Variants in SLC24A3 observed in about 807,000 individuals in gnomAD.
The protein encoded by SLC24A3 is solute carrier family 24 member 3.
Under a neutral mutation model 75.8 loss-of-function variants are expected in SLC24A3, and 28 were observed. The ratio of observed to expected loss-of-function variants is 0.37; its 90% CI spans 0.27 to 0.51. SLC24A3 has a LOEUF of 0.51. Among genes scored for constraint, SLC24A3 ranks in the 20% least tolerant of loss-of-function variants. The pLI, the probability that SLC24A3 is intolerant of heterozygous loss-of-function variation, is 0.94. For missense variants in SLC24A3, 663 were observed against 847.8 expected, an observed-to-expected ratio of 0.78 and a Z score of 2.71; for synonymous variants, 372 against 334.1, an observed-to-expected ratio of 1.11 and a Z score of -1.24.
At chr20:19,219,977 T>A (rs1001966997) in intron 1 of SLC24A3, among the ~76,000 whole-genome samples, 2 of 152,174 alleles carry the variant, frequency 1.3e-5, no homozygotes, top group Non-Finnish European at 2.9e-5. Flanking sequence ...TTAATGCAAT[T>A]GACATGTAGA....
chr20:19,498,352 C>T (rs1049135930), intron 2 of SLC24A3, among the ~76,000 whole-genome samples: 1 of 152,202 alleles, frequency 6.6e-6, no homozygotes, highest in Admixed American at 6.5e-5. Context: ...TTGTCTTCCA[C>T]AAAACTGGTC....
intron 2 of SLC24A3, among the ~76,000 whole-genome samples, chr20:19,335,889 T>C (rs1985119884): frequency 6.6e-6 from 1 of 152,142 alleles, no homozygotes; most frequent in South Asian, 2.1e-4. Flanking sequence ...ATGCCATCTT[T>C]CTCCCTTATT....
At chr20:19,487,480 C>G (rs1213230234) in intron 2 of SLC24A3, among the ~76,000 whole-genome samples, 2 of 152,152 alleles carry the variant, frequency 1.3e-5, no homozygotes, top group Non-Finnish European at 1.5e-5. Context: ...TAGCACTATA[C>G]AGATTTCCAT....
chr20:19,338,926 T>G (rs1330306251), intron 2 of SLC24A3, among the ~76,000 whole-genome samples: 1 of 152,122 alleles, frequency 6.6e-6, no homozygotes, highest in African/African-American at 2.4e-5. Flanking sequence ...CTCTATTACC[T>G]TTTTTTAAGG....
intron 1 of SLC24A3, among the ~76,000 whole-genome samples, chr20:19,267,898 G>T (rs1014163142): frequency 2.0e-5 from 3 of 152,104 alleles, no homozygotes; most frequent in Admixed American, 2.0e-4. Context: ...GAAAAGGTTA[G>T]CATATTTATA....
intron 2 of SLC24A3, among the ~76,000 whole-genome samples, chr20:19,294,737 C>T (rs1419572618): frequency 2.0e-5 from 3 of 152,138 alleles, no homozygotes; most frequent in Non-Finnish European, 4.4e-5. Flanking sequence ...AATAGTGCTG[C>T]AATGAATATA....
intron 3 of SLC24A3, among the ~76,000 whole-genome samples, chr20:19,565,651 A>T (rs964679492): frequency 6.6e-6 from 1 of 151,894 alleles, no homozygotes; most frequent in Non-Finnish European, 1.5e-5. Context: ...CCCAACCAAG[A>T]CCTCGGAGCC....
intron 2 of SLC24A3, among the ~76,000 whole-genome samples, chr20:19,378,478 G>T (rs1414132687): frequency 6.6e-6 from 1 of 152,162 alleles, no homozygotes; most frequent in African/African-American, 2.4e-5. Context: ...TGGTTGAATT[G>T]GGTCCACATG....
chr20:19,708,403 C>G (rs561963946), intron 15 of SLC24A3, among the ~76,000 whole-genome samples: 1 of 152,314 alleles, frequency 6.6e-6, no homozygotes. Flanking sequence ...CCACGTCTTT[C>G]ATTCTCACCT....
At chr20:19,710,441 G>A (rs990120929) in intron 15 of SLC24A3, among the ~76,000 whole-genome samples, 1 of 152,194 alleles carries the variant, frequency 6.6e-6, no homozygotes, top group East Asian at 1.9e-4. Flanking sequence ...CCACCCTCCT[G>A]TTTCCTCCAC....
At chr20:19,325,586 G>C (rs1390808524) in intron 2 of SLC24A3, among the ~76,000 whole-genome samples, 2 of 151,836 alleles carry the variant, frequency 1.3e-5, no homozygotes, top group Admixed American at 6.6e-5. Context: ...CTTCATGGGA[G>C]AGGAGGCAGC....
chr20:19,632,328 G>C (rs1600311560), intron 6 of SLC24A3, among the ~76,000 whole-genome samples: 1 of 152,214 alleles, frequency 6.6e-6, no homozygotes, highest in East Asian at 1.9e-4. Flanking sequence ...GTCTAAAATC[G>C]AGGTGTCGGT....
intron 2 of SLC24A3, among the ~76,000 whole-genome samples, chr20:19,370,680 T>A (rs902142036): frequency 6.6e-5 from 10 of 152,186 alleles, no homozygotes; most frequent in African/African-American, 2.4e-4. Flanking sequence ...TGCCTCCAAA[T>A]CAGGTAGAGT....
chr20:19,635,455 T>C (rs892759952), intron 6 of SLC24A3, among the ~76,000 whole-genome samples: 6 of 152,164 alleles, frequency 3.9e-5, no homozygotes, highest in African/African-American at 1.4e-4. Flanking sequence ...ATTAAACAAA[T>C]CTTTGTGCAT....
chr20:19,319,993 C>G (rs1001901), intron 2 of SLC24A3, among the ~76,000 whole-genome samples: 2 of 152,264 alleles, frequency 1.3e-5, no homozygotes, highest in Admixed American at 6.5e-5. Context: ...CTCTTCTAGA[C>G]CTGCTCTACT....
chr20:19,218,811 A>G lies in SLC24A3; in HGVS notation c.142+5827A>G, dbSNP rs546307696. 4.7e-4 allele frequency among the ~76,000 whole-genome samples: 71 copies of G among 152,138 alleles called. 1 individual carries two copies. Among genetic ancestry groups the G allele is most frequent in the Admixed American group, 4.1e-3 (63 of 15,282 alleles). ...ATGGCTGATAGGACAAAATTTTGGC[A>G]ATTTTCTTTTTCTGTATGGAGGTTT... On this transcript the variant is annotated intron_variant, in intron 1 of 16. Coordinates refer to ENST00000328041, the MANE Select transcript of SLC24A3 (RefSeq NM_020689.4).
chr20:19,477,175 A>G (rs1159987976), intron 2 of SLC24A3, among the ~76,000 whole-genome samples: 1 of 152,082 alleles, frequency 6.6e-6, no homozygotes, highest in African/African-American at 2.4e-5. Flanking sequence ...CAGCAGGTGG[A>G]ACTCCTAGGA....
intron 1 of SLC24A3, among the ~76,000 whole-genome samples, chr20:19,221,411 A>G (rs1033087980): frequency 6.6e-6 from 1 of 152,126 alleles, no homozygotes; most frequent in South Asian, 2.1e-4. Flanking sequence ...TTCCCTTGGG[A>G]TGAAAGCCCT....
At chr20:19,693,584 C>A in intron 13 of SLC24A3, 159 bp downstream of exon 13, 3 of 862,618 alleles carry the variant, frequency 3.5e-6, no homozygotes, top group Non-Finnish European at 5.0e-6. Flanking sequence ...GAATTGCAGG[C>A]ATCGATTCTC....
Sources: allele counts gnomAD v4.1 joint callset (sites outside exome capture counted in the v4.1 genomes callset), GRCh38; gene constraint gnomAD v4.1.1; transcripts MANE v1.5; gene names NCBI Gene and HGNC (gene_info 2026-07-23, HGNC 2026-07-21).